The following MERTK variants were observed in gnomAD, a reference collection of about 807,000 sequenced individuals.
The protein encoded by MERTK is tyrosine-protein kinase Mer.
MERTK carries 69 observed loss-of-function variants against 99.3 expected under a neutral mutation model. The ratio of observed to expected loss-of-function variants is 0.70; its 90% CI spans 0.57 to 0.85. The LOEUF is 0.85. Ranked by LOEUF, MERTK falls within the 40% of genes least tolerant of loss-of-function variation. The probability of loss-of-function intolerance (pLI) is 0.00; values close to 1 mark genes in which losing one functional copy is unlikely to be tolerated. For synonymous variants in MERTK, 426 were observed against 467.6 expected (o/e 0.91, Z 1.15); for missense variants, 1,125 against 1,249.4 (o/e 0.90, Z 1.50).
At chr2:111,989,347 A>G (rs1245690340) in intron 8 of MERTK, among the ~76,000 whole-genome samples, 1 of 147,454 alleles carries the variant, frequency 6.8e-6, no homozygotes, top group Non-Finnish European at 1.5e-5. Flanking sequence ...TACGAGTTAT[A>G]GGGTTGTGAA....
Position 112,003,926 on chromosome 2 carries a change from A to G in MERTK, c.1809A>G (p.Glu603=), listed in dbSNP as rs1573633962. The G allele has an allele frequency of 6.2e-7, 1 of 1,613,776 alleles. No homozygotes were observed. Among genetic ancestry groups the G allele is most frequent in the Middle Eastern group, 1.7e-4 (1 of 6,060 alleles). Residue 603 remains glutamate (E), a synonymous_variant, in exon 13 of 19, where the codon GAA becomes GAG. Transcript: ENST00000295408. ...CAGGAGAGTTTGGGTCTGTAATGGA[A>G]GGAAATCTTAAGCAGGAAGATGGGA... The part of the protein sequence containing the change: ...LGEGEFGSVM[E]GNLKQEDGTS...
Position 111,983,021 on chromosome 2 carries a change from T to G in MERTK, c.1296+28T>G, listed in dbSNP as rs57297275. ...AAGTCTAAACCCTAGAAGAGCACGA[T>G]TAGTCATCTCCTTTCAACTTGCTGG... is the stretch of plus-strand genomic sequence containing the variant. On this transcript the variant is annotated intron_variant, in intron 8 of 18. Transcript: ENST00000295408. The G allele has an allele frequency of 0.25, 403,849 of 1,612,016 alleles. 53,471 individuals carry two copies. The highest frequency in any genetic ancestry group is 0.37 in the Admixed American group (22,089 of 59,894).
At chr2:112,016,710 A>G (rs1203765182) in intron 15 of MERTK, among the ~76,000 whole-genome samples, 1 of 152,236 alleles carries the variant, frequency 6.6e-6, no homozygotes, top group Admixed American at 6.5e-5. Context: ...ATAGGCTGTA[A>G]TAACATATGC....
intron 7 of MERTK, among the ~76,000 whole-genome samples, chr2:111,981,373 G>A (rs934974700): frequency 2.6e-5 from 4 of 152,038 alleles, no homozygotes; most frequent in Non-Finnish European, 4.4e-5. Context: ...TCTTTCCAGT[G>A]ACGAGGTAGT....
At chr2:112,011,762 A>G (rs11887652) in intron 15 of MERTK, among the ~76,000 whole-genome samples, 37,785 of 152,066 alleles carry the variant, frequency 0.25, 4,962 homozygotes, top group South Asian at 0.32. Context: ...AAAAAATAAA[A>G]AAAACAAGGT....
intron 2 of MERTK, among the ~76,000 whole-genome samples, chr2:111,943,465 G>A (rs1340758654): frequency 2.0e-5 from 3 of 152,154 alleles, no homozygotes; most frequent in Admixed American, 2.0e-4. Context: ...CTTGAGCCCA[G>A]GAGTTCAAGG....
intron 6 of MERTK, among the ~76,000 whole-genome samples, chr2:111,969,753 G>T (rs566275267): frequency 6.8e-6 from 1 of 147,970 alleles, no homozygotes; most frequent in South Asian, 2.1e-4. Flanking sequence ...GTGCAGTGGC[G>T]CGATCTCAGC....
intron 15 of MERTK, among the ~76,000 whole-genome samples, chr2:112,010,686 C>T (rs975291202): frequency 1.2e-4 from 18 of 152,196 alleles, no homozygotes; most frequent in South Asian, 2.1e-4. Context: ...AGGGCTGTAG[C>T]GTTAAGGAAT....
At chr2:112,019,333 C>T in intron 15 of MERTK, 80 bp from the exon 16 acceptor site, 1 of 1,003,738 alleles carries the variant, frequency 1.0e-6, no homozygotes, top group Non-Finnish European at 1.6e-6. Flanking sequence ...TTAAAGCATC[C>T]TTTCCCCCCC....
rs774773178 is a variant in MERTK, at chr2:111,994,419, C to T, written c.1450+15C>T. ...CCCTGCACACGGTGAGAGCTATACCCAGTAAGGGCTGATAGGATGTGATGG... is the reference window on the plus strand; with the variant it reads ...CCCTGCACACGGTGAGAGCTATACCTAGTAAGGGCTGATAGGATGTGATGG... On this transcript the variant is annotated intron_variant, in intron 9 of 18. Transcript: ENST00000295408. The T allele has an allele frequency of 6.2e-7, 1 of 1,613,926 alleles. No homozygotes were observed. Among genetic ancestry groups the T allele is most frequent in the South Asian group, 1.1e-5 (1 of 91,072 alleles).
chr2:111,909,338 GC>G (rs1684198029), intron 1 of MERTK, among the ~76,000 whole-genome samples: 1 of 152,134 alleles, frequency 6.6e-6, no homozygotes, highest in Admixed American at 6.5e-5. Flanking sequence ...CAGAAGTTTT[GC>G]CCAGGCCTTT....
intron 15 of MERTK, among the ~76,000 whole-genome samples, chr2:112,014,411 G>A (rs1395712342): frequency 6.6e-6 from 1 of 151,110 alleles, no homozygotes; most frequent in Non-Finnish European, 1.5e-5. Context: ...GTGATCAGCC[G>A]CCTCGGCCTC....
chr2:111,997,922 C>T (rs1230600142), intron 10 of MERTK, among the ~76,000 whole-genome samples: 1 of 152,180 alleles, frequency 6.6e-6, no homozygotes, highest in African/African-American at 2.4e-5. Context: ...CATGATGGCA[C>T]ACGCCTGTAA....
chr2:112,008,355 A>G, intron 13 of MERTK, 28 bp from the exon 14 acceptor site: 1 of 1,562,816 alleles, frequency 6.4e-7, no homozygotes. Flanking sequence ...AATTATCCAT[A>G]CTTAACCTTT....
At chr2:111,984,689 C>A (rs537884200) in intron 8 of MERTK, among the ~76,000 whole-genome samples, 1 of 152,258 alleles carries the variant, frequency 6.6e-6, no homozygotes, top group South Asian at 2.1e-4. Flanking sequence ...ACTTACAGAT[C>A]ATGATGATGA....
At chr2:111,952,680 A>G (rs1344673233) in intron 4 of MERTK, 2 of 152,170 alleles carry the variant, frequency 1.3e-5, no homozygotes, top group East Asian at 1.9e-4. Context: ...GCTCCACACT[A>G]ATCTTCCCTG....
intron 1 of MERTK, among the ~76,000 whole-genome samples, chr2:111,924,573 A>G (rs1684520516): frequency 6.6e-6 from 1 of 151,460 alleles, no homozygotes; most frequent in African/African-American, 2.4e-5. Flanking sequence ...TCTTCCTCCT[A>G]CTCAGCCAGT....
chr2:111,950,023 C>T (rs556537125), intron 4 of MERTK, among the ~76,000 whole-genome samples: 2 of 152,158 alleles, frequency 1.3e-5, no homozygotes, highest in South Asian at 2.1e-4. Flanking sequence ...CTGCAAGCTC[C>T]ACCTCCTGGG....
intron 1 of MERTK, among the ~76,000 whole-genome samples, chr2:111,912,365 T>G (rs1684266965): frequency 6.6e-6 from 1 of 152,162 alleles, no homozygotes; most frequent in South Asian, 2.1e-4. Context: ...CAAACAACGT[T>G]GCCATGAACA....
Sources: gnomAD v4.1 joint callset for allele counts (sites outside exome capture counted in the v4.1 genomes callset) on GRCh38, gnomAD v4.1.1 for gene constraint, MANE v1.5 for transcripts, NCBI Gene and HGNC (gene_info 2026-07-23, HGNC 2026-07-21) for gene names.